NALCN: variants seen among roughly 807,000 people sequenced by gnomAD.
NALCN encodes sodium leak channel NALCN.
NALCN carries 111 observed loss-of-function variants against 225.3 expected under a neutral mutation model. The observed-to-expected ratio is 0.49, with a 90% CI of 0.42 to 0.58. The LOEUF is 0.58. NALCN is among the 20% of genes least tolerant of loss of function. The pLI, the probability that NALCN is intolerant of heterozygous loss-of-function variation, is 0.00. For missense variants in NALCN, 1,378 were observed against 2,202.4 expected, an observed-to-expected ratio of 0.63 and a Z score of 7.49; for synonymous variants, 764 against 769.0, an observed-to-expected ratio of 0.99 and a Z score of 0.11.
At chr13:101,401,795 G>A (rs945678876) in intron 1 of NALCN, among the ~76,000 whole-genome samples, 1 of 152,114 alleles carries the variant, frequency 6.6e-6, no homozygotes, top group Non-Finnish European at 1.5e-5. Context: ...AAGCTCCAAA[G>A]ATACCTGGCT....
intron 11 of NALCN, among the ~76,000 whole-genome samples, chr13:101,247,958 C>T (rs372637899): frequency 1.3e-5 from 2 of 152,218 alleles, no homozygotes; most frequent in African/African-American, 4.8e-5. Flanking sequence ...AGGATGATGG[C>T]TTCCCGATCT....
intron 7 of NALCN, among the ~76,000 whole-genome samples, chr13:101,313,441 T>C (rs2044430654): frequency 6.6e-6 from 1 of 151,908 alleles, no homozygotes; most frequent in African/African-American, 2.4e-5. Context: ...ACGGCTAATA[T>C]CCAGAATCTA....
chr13:101,347,140 TACACAC>T (rs56838607), intron 6 of NALCN, among the ~76,000 whole-genome samples: 4 of 149,542 alleles, frequency 2.7e-5, no homozygotes, highest in South Asian at 4.3e-4. Flanking sequence ...TACATAGTTT[TACACAC>T]ACACACACAC....
At chr13:101,095,504 T>C in intron 28 of NALCN, 70 bp downstream of exon 28, 1 of 1,248,090 alleles carries the variant, frequency 8.0e-7, no homozygotes. Flanking sequence ...ACATGCCATA[T>C]GATACTTATT....
In NALCN at chr13:101,284,052, C is replaced by T. The variant is rs759294997; in HGVS notation, c.1048-33G>A. On this transcript the variant is annotated intron_variant, in intron 9 of 43. Coordinates refer to ENST00000251127, the MANE Select transcript of NALCN (RefSeq NM_052867.4). ...ACAAAGAAGGGAGATGAGTCAGAGA[C>T]ATTTAATATGGAACATTGAGAACTC... 1.1e-5 allele frequency: 18 copies of T among 1,576,086 alleles called. No homozygotes were observed. The South Asian group carries it at 1.7e-4, about 15-fold the overall frequency.
At chr13:101,127,679 G>A (rs2036301335) in intron 17 of NALCN, among the ~76,000 whole-genome samples, 1 of 152,006 alleles carries the variant, frequency 6.6e-6, no homozygotes, top group Non-Finnish European at 1.5e-5. Context: ...CTTAAAAGAA[G>A]GAAAGGACTC....
In NALCN at chr13:101,292,458, T is replaced by C. The variant is rs471071; in HGVS notation, c.800-92A>G. ...AAAACAATCAATATTTATCCATACT[T>C]ATTTTCTCAATGACAAAAGTGCTTC... On this transcript the variant is annotated intron_variant, in intron 7 of 43. Coordinates refer to ENST00000251127, the MANE Select transcript of NALCN (RefSeq NM_052867.4). The surrounding 1 kb of genome is among the most constrained non-coding windows in gnomAD (Gnocchi z 4.3). The C allele has an allele frequency of 0.12, 152,928 of 1,318,196 alleles. 10,258 individuals are homozygous for C. Among genetic ancestry groups the C allele is most frequent in the African/African-American group, 0.25 (17,154 of 67,696 alleles). The allele number at this position is 1,318,196 out of a possible 1,614,324, so 81.7% of individuals were successfully genotyped here.
At position 101,283,978 on chromosome 13, in the gene NALCN, A is replaced by G. The variant is rs1048599659; in HGVS notation, c.1089T>C (p.Ala363=). 1 of 1,613,752 alleles carries G rather than the reference A, an allele frequency of 6.2e-7. No individual in the cohort carries two copies. Among genetic ancestry groups the G allele is most frequent in the Non-Finnish European group, 8.5e-7 (1 of 1,179,890 alleles). Residue 363 remains alanine, a synonymous_variant, in exon 10 of 44, where the codon GCT becomes GCC. Coordinates refer to ENST00000251127, the MANE Select transcript of NALCN (RefSeq NM_052867.4). The stretch of plus-strand genomic sequence containing the variant: ...GTCCCTGGGGCTTGTTGACATCCAC[A>G]GCTACCAGCTGCCAACCTCCAGCAG... ...EDAAGGWQLV[A]VDVNKPQGRA...
At chr13:101,262,320 T>G (rs983592397) in intron 10 of NALCN, among the ~76,000 whole-genome samples, 2 of 152,228 alleles carry the variant, frequency 1.3e-5, no homozygotes, top group African/African-American at 4.8e-5. Context: ...CTAAGTCATT[T>G]TACCCTAGTC....
chr13:101,065,048 G>A (rs1182852642), intron 40 of NALCN, among the ~76,000 whole-genome samples: 2 of 152,194 alleles, frequency 1.3e-5, no homozygotes, highest in Admixed American at 1.3e-4. Flanking sequence ...GTAACCGCAA[G>A]CAAGTCACTC....
At chr13:101,364,265 G>T (rs956263298) in intron 6 of NALCN, among the ~76,000 whole-genome samples, 1 of 152,092 alleles carries the variant, frequency 6.6e-6, no homozygotes, top group African/African-American at 2.4e-5. Context: ...AGAGATAGCA[G>T]CACTCACATG....
At chr13:101,257,749 GGTAA>G (rs2042288040) in intron 11 of NALCN, among the ~76,000 whole-genome samples, 1 of 150,990 alleles carries the variant, frequency 6.6e-6, no homozygotes, top group African/African-American at 2.4e-5. Context: ...ATATATTTTA[GGTAA>G]GTTTTTACAT....
intron 10 of NALCN, among the ~76,000 whole-genome samples, chr13:101,273,744 G>T (rs1444609123): frequency 1.3e-5 from 2 of 151,846 alleles, no homozygotes; most frequent in East Asian, 1.9e-4. Flanking sequence ...AATTAGCCGG[G>T]CGTGGTGGCA....
chr13:101,176,191 T>C (rs1487060540), intron 15 of NALCN, 109 bp downstream of exon 15: 13 of 697,228 alleles, frequency 1.9e-5, no homozygotes, highest in African/African-American at 3.7e-5. Flanking sequence ...ATAGCCTTAT[T>C]ACATTTTATT....
chr13:101,186,350 A>G (rs2039446449), intron 14 of NALCN, among the ~76,000 whole-genome samples: 1 of 152,190 alleles, frequency 6.6e-6, no homozygotes, highest in Non-Finnish European at 1.5e-5. Flanking sequence ...GACATGAATT[A>G]AGCTCTTTCC....
chr13:101,160,306 C>T (rs542994119), intron 15 of NALCN, among the ~76,000 whole-genome samples: 3 of 152,294 alleles, frequency 2.0e-5, no homozygotes, highest in Admixed American at 6.5e-5. Context: ...CTTCCCTCTT[C>T]CTTCTTTTTC....
chr13:101,366,147 T>C (rs1411342403), intron 6 of NALCN, among the ~76,000 whole-genome samples: 1 of 152,154 alleles, frequency 6.6e-6, no homozygotes, highest in Non-Finnish European at 1.5e-5. Flanking sequence ...TCCTCAACTT[T>C]CTTTAGGAAA....
At chr13:101,384,001 C>A (rs2046919055) in intron 3 of NALCN, among the ~76,000 whole-genome samples, 1 of 152,106 alleles carries the variant, frequency 6.6e-6, no homozygotes, top group African/African-American at 2.4e-5. Flanking sequence ...TGACACTTTG[C>A]AATACAATCT....
chr13:101,115,482 T>C (rs991721671), intron 18 of NALCN, among the ~76,000 whole-genome samples: 5 of 152,112 alleles, frequency 3.3e-5, no homozygotes, highest in African/African-American at 1.2e-4. Flanking sequence ...GCCGAAATAG[T>C]GAGTAACTAC....
Sources: allele counts gnomAD v4.1 joint callset (sites outside exome capture counted in the v4.1 genomes callset), GRCh38; gene constraint gnomAD v4.1.1; non-coding constraint Gnocchi (gnomAD v3.1); transcripts MANE v1.5; gene names NCBI Gene and HGNC (gene_info 2026-07-23, HGNC 2026-07-21).